MACROD2: variants seen among roughly 807,000 people sequenced by gnomAD.
The protein encoded by MACROD2 is ADP-ribose glycohydrolase MACROD2.
A neutral mutation model predicts 70.4 loss-of-function variants in MACROD2; 36 were observed. The observed-to-expected ratio is 0.51, with a 90% confidence interval of 0.39 to 0.68. The LOEUF (loss-of-function observed/expected upper bound fraction) is 0.68, where lower values mean the gene tolerates loss of function less well. Ranked by LOEUF, MACROD2 falls within the 30% of genes least tolerant of loss-of-function variation. The pLI is 0.00. For synonymous variants in MACROD2, 172 were observed against 178.8 expected, an observed-to-expected ratio of 0.96 and a Z score of 0.30; for missense variants, 496 against 538.4, an observed-to-expected ratio of 0.92 and a Z score of 0.78.
chr20:14,791,706 A>G (rs1038928864), intron 5 of MACROD2, among the ~76,000 whole-genome samples: 4 of 152,030 alleles, frequency 2.6e-5, no homozygotes, highest in African/African-American at 7.3e-5. Context: ...TAAATTCAGT[A>G]TCTACTATAA....
intron 8 of MACROD2, among the ~76,000 whole-genome samples, chr20:15,582,927 T>A (rs757129141): frequency 6.6e-6 from 1 of 152,224 alleles, no homozygotes; most frequent in Non-Finnish European, 1.5e-5. Flanking sequence ...CCTGGAGTTC[T>A]GGCAATTGAA....
intron 4 of MACROD2, among the ~76,000 whole-genome samples, chr20:14,578,341 C>A (rs1032978403): frequency 1.3e-5 from 2 of 151,706 alleles, no homozygotes; most frequent in African/African-American, 4.8e-5. Flanking sequence ...TTATTACAGG[C>A]GATATACTTT....
At chr20:15,086,514 G>A (rs1238010473) in intron 5 of MACROD2, among the ~76,000 whole-genome samples, 1 of 152,100 alleles carries the variant, frequency 6.6e-6, no homozygotes, top group Non-Finnish European at 1.5e-5. Context: ...TGGTCACAAT[G>A]GAGAATCTTA....
chr20:14,793,678 C>T (rs548013088), intron 5 of MACROD2, among the ~76,000 whole-genome samples: 2 of 152,118 alleles, frequency 1.3e-5, no homozygotes, highest in African/African-American at 4.8e-5. Context: ...TATCAGATTC[C>T]AAAAGCTCGA....
chr20:14,239,434 A>G (rs1163526933), intron 3 of MACROD2, among the ~76,000 whole-genome samples: 1 of 152,332 alleles, frequency 6.6e-6, no homozygotes, highest in Middle Eastern at 3.4e-3. Context: ...CTAAGCAAAA[A>G]GAAATGCTGG....
chr20:15,707,294 G>A (rs555988347), intron 8 of MACROD2, among the ~76,000 whole-genome samples: 3 of 152,280 alleles, frequency 2.0e-5, no homozygotes, highest in African/African-American at 7.2e-5. Context: ...GGGGAGATAT[G>A]TAACTAAAGT....
chr20:14,720,561 TTTTTTTTTTG>T (rs2071454150), intron 5 of MACROD2, among the ~76,000 whole-genome samples: 1 of 106,652 alleles, frequency 9.4e-6, no homozygotes, highest in African/African-American at 4.0e-5. Flanking sequence ...TTTTTTTTTT[TTTTTTTTTTG>T]TGAGGCAGAG....
chr20:14,838,275 G>A (rs2073051747), intron 5 of MACROD2, among the ~76,000 whole-genome samples: 1 of 152,034 alleles, frequency 6.6e-6, no homozygotes, highest in African/African-American at 2.4e-5. Context: ...GTAATTAATA[G>A]TATAAAATTC....
intron 15 of MACROD2, among the ~76,000 whole-genome samples, chr20:15,987,520 T>C (rs1175092981): frequency 6.6e-6 from 1 of 152,188 alleles, no homozygotes; most frequent in African/African-American, 2.4e-5. Context: ...ACTGGCCTTT[T>C]TGTATTGATT....
chr20:15,915,016 C>T (rs552388746), intron 10 of MACROD2, among the ~76,000 whole-genome samples: 6 of 152,288 alleles, frequency 3.9e-5, no homozygotes, highest in South Asian at 2.1e-4. Context: ...GGGTCCCAAG[C>T]GCGGGAGCTT....
At chr20:15,602,649 G>A (rs996416394) in intron 8 of MACROD2, among the ~76,000 whole-genome samples, 8 of 152,102 alleles carry the variant, frequency 5.3e-5, no homozygotes, top group Admixed American at 1.3e-4. Context: ...CAAATTGTTC[G>A]TAGTTTTATC....
At chr20:15,265,537 G>A (rs911640694) in intron 6 of MACROD2, among the ~76,000 whole-genome samples, 17 of 151,978 alleles carry the variant, frequency 1.1e-4, no homozygotes, top group South Asian at 8.3e-4. Flanking sequence ...ATTTTTTTTC[G>A]ATGTAACTTT....
intron 7 of MACROD2, among the ~76,000 whole-genome samples, chr20:15,460,976 CCAT>C (rs1372473441): frequency 1.3e-3 from 75 of 57,580 alleles, no homozygotes; most frequent in Admixed American, 3.3e-3. Flanking sequence ...CTCTCTCTCT[CCAT>C]ATATATATAT....
chr20:15,618,539 G>A (rs463933), intron 8 of MACROD2, among the ~76,000 whole-genome samples: 33,928 of 107,896 alleles, frequency 0.31, 4,192 homozygotes, highest in African/African-American at 0.43. Flanking sequence ...TCCCAACCCT[G>A]CCCCCAAGAT....
chr20:15,636,089 A>AAAAAAAAAAAAAAAAAAG (rs1459679844), intron 8 of MACROD2, among the ~76,000 whole-genome samples: 18 of 135,010 alleles, frequency 1.3e-4, no homozygotes, highest in East Asian at 4.9e-4. Flanking sequence ...AAAAAAAAAA[A>AAAAAAAAAAAAAAAAAAG]AAAGAAAGAA....
At chr20:14,659,549 G>T (rs2123530401) in intron 4 of MACROD2, among the ~76,000 whole-genome samples, 1 of 152,034 alleles carries the variant, frequency 6.6e-6, no homozygotes, top group East Asian at 1.9e-4. Context: ...TCTCCAAGAT[G>T]AGCAAATCCC....
chr20:15,014,678 T>C (rs2075107956), intron 5 of MACROD2, among the ~76,000 whole-genome samples: 1 of 152,162 alleles, frequency 6.6e-6, no homozygotes, highest in Non-Finnish European at 1.5e-5. Flanking sequence ...TGTGTGTGAG[T>C]GTATGTGTGC....
chr20:14,707,435 C>T (rs1408474689), intron 5 of MACROD2, among the ~76,000 whole-genome samples: 4 of 152,106 alleles, frequency 2.6e-5, no homozygotes, highest in African/African-American at 7.2e-5. Context: ...AAGGCGAGGT[C>T]TGTGTTTCCA....
intron 8 of MACROD2, among the ~76,000 whole-genome samples, chr20:15,549,004 C>T (rs2048060958): frequency 6.6e-6 from 1 of 152,228 alleles, no homozygotes; most frequent in South Asian, 2.1e-4. Context: ...CTTCTTACTT[C>T]ATCCTCATGA....
Sources: allele counts gnomAD v4.1 joint callset (sites outside exome capture counted in the v4.1 genomes callset), GRCh38; gene constraint gnomAD v4.1.1; transcripts MANE v1.5; gene names NCBI Gene and HGNC (gene_info 2026-07-23, HGNC 2026-07-21).